The following CNTN5 variants were observed in gnomAD, a reference collection of about 807,000 sequenced individuals.
CNTN5 encodes contactin 5.
Under a neutral mutation model 129.1 loss-of-function variants are expected in CNTN5, and 77 were observed. The ratio of observed to expected loss-of-function variants is 0.60; its 90% CI spans 0.50 to 0.72. The LOEUF (loss-of-function observed/expected upper bound fraction) is 0.72. Among genes scored for constraint, CNTN5 ranks in the 30% least tolerant of loss-of-function variants. The pLI is 0.00. For missense variants in CNTN5, 1,478 were observed against 1,328.8 expected (o/e 1.11, Z -1.75); for synonymous variants, 509 against 465.6 (o/e 1.09, Z -1.20).
intron 1 of CNTN5, among the ~76,000 whole-genome samples, chr11:99,026,807 T>A (rs1863126792): frequency 6.6e-6 from 1 of 151,636 alleles, no homozygotes; most frequent in Admixed American, 6.6e-5. Flanking sequence ...AGATCAGAGC[T>A]TTTTATGGCT....
intron 2 of CNTN5, among the ~76,000 whole-genome samples, chr11:99,531,396 A>G (rs1020521092): frequency 4.6e-5 from 7 of 152,268 alleles, no homozygotes; most frequent in African/African-American, 1.4e-4. Flanking sequence ...ATAAAAGTTC[A>G]GAAAATTTGC....
At chr11:99,515,378 A>T (rs931933544) in intron 2 of CNTN5, among the ~76,000 whole-genome samples, 1 of 152,060 alleles carries the variant, frequency 6.6e-6, no homozygotes, top group Non-Finnish European at 1.5e-5. Context: ...TGTTCTGAAT[A>T]TTTGAAATAC....
chr11:99,272,588 T>C lies in CNTN5; in HGVS notation c.-209-52758T>C, dbSNP rs1279729580. ...AATTATATTTTACCTAAATTAAGTATAATTTTAATTATTTTCTTTTCTCAC... is the reference window on the plus strand; with the variant it reads ...AATTATATTTTACCTAAATTAAGTACAATTTTAATTATTTTCTTTTCTCAC... On this transcript the variant is annotated intron_variant, in intron 1 of 24. Coordinates refer to ENST00000524871, the MANE Select transcript of CNTN5 (RefSeq NM_014361.4). Among the ~76,000 whole-genome samples, 9 of 151,746 alleles carry C rather than the reference T, an allele frequency of 5.9e-5. No homozygotes were observed. The Admixed American group carries it at 5.9e-4, about 10-fold the overall frequency.
At chr11:99,763,334 A>G (rs975172971) in intron 3 of CNTN5, among the ~76,000 whole-genome samples, 1 of 152,150 alleles carries the variant, frequency 6.6e-6, no homozygotes, top group Admixed American at 6.6e-5. Context: ...TCAAAACACC[A>G]AACAAAAGGA....
chr11:100,103,551 C>T (rs537273010), intron 13 of CNTN5, among the ~76,000 whole-genome samples: 71 of 152,206 alleles, frequency 4.7e-4, no homozygotes, highest in African/African-American at 1.5e-3. Context: ...GTAGCTATTT[C>T]CTCTTACTTT....
At chr11:100,038,621 C>T (rs1251477076) in intron 9 of CNTN5, among the ~76,000 whole-genome samples, 1 of 152,210 alleles carries the variant, frequency 6.6e-6, no homozygotes, top group Admixed American at 6.5e-5. Flanking sequence ...TTGTAGGTCA[C>T]TAAGGACTTG....
At position 99,143,461 on chromosome 11, in the gene CNTN5, A is replaced by G. The variant is rs1449958574; in HGVS notation, c.-210+122191A>G. On this transcript the variant is annotated intron_variant, in intron 1 of 24. Coordinates refer to ENST00000524871, the MANE Select transcript of CNTN5 (RefSeq NM_014361.4). ...AAATGGCAGATCAACAAATTGACTG[A>G]ACCAAAAATCTTTGCAATATAGAAG... 2.0e-5 allele frequency among the ~76,000 whole-genome samples: 3 copies of G among 151,394 alleles called. No individual in the cohort carries two copies. The East Asian group carries it at 5.8e-4, about 29-fold the overall frequency.
intron 21 of CNTN5, among the ~76,000 whole-genome samples, chr11:100,329,414 C>A (rs1213427677): frequency 6.6e-6 from 1 of 152,216 alleles, no homozygotes; most frequent in Non-Finnish European, 1.5e-5. Flanking sequence ...GCCTGAGAAA[C>A]CTGAATACTT....
intron 16 of CNTN5, among the ~76,000 whole-genome samples, chr11:100,234,815 A>AAG (rs1949575286): frequency 4.0e-5 from 6 of 148,792 alleles, no homozygotes; most frequent in Admixed American, 2.7e-4. Flanking sequence ...AAAAAAAAAA[A>AAG]AAGAAGAAGA....
intron 1 of CNTN5, among the ~76,000 whole-genome samples, chr11:99,073,367 T>C (rs1195678980): frequency 3.6e-5 from 5 of 137,342 alleles, no homozygotes; most frequent in South Asian, 2.5e-4. Flanking sequence ...TGTCTCTTTA[T>C]GGTTTGGTTT....
At chr11:99,328,755 A>G (rs531680979) in intron 2 of CNTN5, among the ~76,000 whole-genome samples, 65 of 151,730 alleles carry the variant, frequency 4.3e-4, no homozygotes, top group African/African-American at 1.5e-3. Flanking sequence ...GTGTAATCCC[A>G]GCTACTCAGG....
At chr11:99,225,589 G>A (rs887751112) in intron 1 of CNTN5, among the ~76,000 whole-genome samples, 3 of 152,006 alleles carry the variant, frequency 2.0e-5, no homozygotes, top group African/African-American at 4.8e-5. Context: ...GACTGACCAG[G>A]ACTTAAAATC....
At chr11:99,048,619 CAT>C (rs1347828730) in intron 1 of CNTN5, among the ~76,000 whole-genome samples, 1 of 152,128 alleles carries the variant, frequency 6.6e-6, no homozygotes, top group East Asian at 1.9e-4. Flanking sequence ...CTTTCTAAGT[CAT>C]AGTGCATCAT....
intron 1 of CNTN5, among the ~76,000 whole-genome samples, chr11:99,117,658 G>A (rs917294640): frequency 2.0e-5 from 3 of 152,120 alleles, no homozygotes; most frequent in Non-Finnish European, 2.9e-5. Context: ...TTGGAAGTGG[G>A]ATCTTTGGGA....
intron 23 of CNTN5, among the ~76,000 whole-genome samples, chr11:100,348,237 A>T (rs1027758562): frequency 6.6e-6 from 1 of 152,016 alleles, no homozygotes; most frequent in Non-Finnish European, 1.5e-5. Context: ...ACCTTCTCAT[A>T]GTTCTCATTC....
chr11:100,322,890 A>G (rs990431326), intron 21 of CNTN5, among the ~76,000 whole-genome samples: 20 of 152,166 alleles, frequency 1.3e-4, no homozygotes, highest in African/African-American at 3.9e-4. Flanking sequence ...AGTATAGTGA[A>G]TTTCTATAAA....
chr11:99,658,337 G>A (rs1025695241), intron 3 of CNTN5, among the ~76,000 whole-genome samples: 6 of 152,128 alleles, frequency 3.9e-5, no homozygotes, highest in African/African-American at 1.4e-4. Context: ...TTCAGAACAA[G>A]TGAATAGAGT....
intron 6 of CNTN5, among the ~76,000 whole-genome samples, chr11:99,858,670 G>GT (rs779054818): frequency 1.3e-5 from 2 of 149,820 alleles, no homozygotes; most frequent in Non-Finnish European, 1.5e-5. Flanking sequence ...GTTTTCGAGA[G>GT]TTTTTTTAAA....
chr11:99,168,578 T>TCAAAACAAAA (rs56681956), intron 1 of CNTN5, among the ~76,000 whole-genome samples: 18,405 of 145,756 alleles, frequency 0.13, 1,408 homozygotes, highest in East Asian at 0.34. Flanking sequence ...AGACTCCATC[T>TCAAAACAAAA]CAAAACAAAA....
Sources: gnomAD v4.1 joint callset for allele counts (sites outside exome capture counted in the v4.1 genomes callset) on GRCh38, gnomAD v4.1.1 for gene constraint, MANE v1.5 for transcripts, NCBI Gene and HGNC (gene_info 2026-07-23, HGNC 2026-07-21) for gene names.